The following PLCL1 variants were observed in gnomAD, a reference collection of about 807,000 sequenced individuals.
The protein encoded by PLCL1 is inactive phospholipase C-like protein 1.
In PLCL1, 41 loss-of-function variants were observed where a neutral mutation model predicts 84.4. The observed-to-expected ratio is 0.49, with a 90% confidence interval of 0.38 to 0.63. The LOEUF (loss-of-function observed/expected upper bound fraction) is 0.63, where lower values mean the gene tolerates loss of function less well. PLCL1 is among the 30% of genes least tolerant of loss of function. The probability of loss-of-function intolerance (pLI) is 0.00; values close to 1 mark genes in which losing one functional copy is unlikely to be tolerated. For missense variants in PLCL1, 1,206 were observed against 1,367.8 expected (o/e 0.88, Z 1.87); for synonymous variants, 490 against 488.3 (o/e 1.00, Z -0.05).
intron 1 of PLCL1, among the ~76,000 whole-genome samples, chr2:198,069,441 A>G (rs746740128): frequency 6.6e-6 from 1 of 152,108 alleles, no homozygotes; most frequent in African/African-American, 2.4e-5. Flanking sequence ...GTAAGCCATG[A>G]TCCCACCATT....
chr2:197,908,063 G>C (rs1688417140), intron 1 of PLCL1, among the ~76,000 whole-genome samples: 1 of 152,194 alleles, frequency 6.6e-6, no homozygotes. Context: ...TATTTAGCAT[G>C]AGAAAGAAGA....
At chr2:197,998,490 C>T (rs771242894) in intron 1 of PLCL1, among the ~76,000 whole-genome samples, 1 of 151,908 alleles carries the variant, frequency 6.6e-6, no homozygotes, top group Non-Finnish European at 1.5e-5. Context: ...CATTATTTGT[C>T]CCTTCATCTC....
chr2:198,127,996 A>G lies in PLCL1; in HGVS notation c.3106-18784A>G, dbSNP rs137993155. 2.3e-3 allele frequency among the ~76,000 whole-genome samples: 347 copies of G among 152,090 alleles called. 2 individuals carry two copies. The highest frequency in any genetic ancestry group is 8.3e-3 in the African/African-American group (344 of 41,546). ...CTTCACACAAATAAAGCGGCTCTAA[A>G]ATAAGGAGAAAAAAATTAGGATGCT... On this transcript the variant is annotated intron_variant, in intron 5 of 5. Transcript: ENST00000428675.
At chr2:197,819,206 G>A (rs114962415) in intron 1 of PLCL1, among the ~76,000 whole-genome samples, 295 of 152,214 alleles carry the variant, frequency 1.9e-3, no homozygotes, top group African/African-American at 6.9e-3. Context: ...CTTAAGACTA[G>A]AAAGGAAGTG....
At chr2:197,954,854 A>C (rs1689454802) in intron 1 of PLCL1, among the ~76,000 whole-genome samples, 1 of 151,996 alleles carries the variant, frequency 6.6e-6, no homozygotes, top group Non-Finnish European at 1.5e-5. Context: ...GATTTATTTT[A>C]ATTTGGAGGC....
intron 1 of PLCL1, among the ~76,000 whole-genome samples, chr2:197,881,226 C>A (rs757729832): frequency 6.6e-6 from 1 of 152,090 alleles, no homozygotes; most frequent in Non-Finnish European, 1.5e-5. Context: ...TAATATGTGA[C>A]GGTTTCAGCA....
At chr2:197,808,215 T>C (rs1690519808) in intron 1 of PLCL1, among the ~76,000 whole-genome samples, 1 of 152,222 alleles carries the variant, frequency 6.6e-6, no homozygotes, top group African/African-American at 2.4e-5. Context: ...TGCTGCATGT[T>C]TTTTGGTAAG....
intron 1 of PLCL1, among the ~76,000 whole-genome samples, chr2:198,025,230 T>C (rs1691236640): frequency 1.3e-5 from 2 of 152,286 alleles, no homozygotes; most frequent in African/African-American, 2.4e-5. Context: ...GTTTTTAGTG[T>C]ATGTTTTAGT....
Position 197,983,200 on chromosome 2 carries a change from C to CTTTTTTTTTTTTTTTTTTTT in PLCL1, c.241-100538_241-100519dup, listed in dbSNP as rs760577848. On this transcript the variant is annotated intron_variant, in intron 1 of 5. Transcript: ENST00000428675. ...TTTCTTTTTCTTTTTCTTTTCTTTT[C>CTTTTTTTTTTTTTTTTTTTT]TTTTTTTTTTTTTTTTTTTTTTTTT... Among the ~76,000 whole-genome samples, 15 of 60,282 alleles carry CTTTTTTTTTTTTTTTTTTTT rather than the reference C, an allele frequency of 2.5e-4. 2 individuals carry two copies. The highest frequency in any genetic ancestry group is 5.3e-4 in the East Asian group (1 of 1,876). 39.5% of individuals were successfully genotyped at this position (60,282 alleles called of 152,430 possible). A position where few individuals can be genotyped will look rare whatever the true frequency, so the allele number is the denominator to read the frequency against.
rs142477958 is a variant in PLCL1 at position 198,123,412 on chromosome 2, G to A, written c.3105+19476G>A. Among the ~76,000 whole-genome samples, 114 of 152,114 alleles carry A rather than the reference G, an allele frequency of 7.5e-4. 1 individual carries two copies. The highest frequency in any genetic ancestry group is 2.5e-3 in the African/African-American group (103 of 41,504). On this transcript the variant is annotated intron_variant, in intron 5 of 5. Transcript: ENST00000428675. ...TGTATTTGGAGATAGGGCCTTTAAAGAGGTAACTAAATTAAAATGAGGTAA... is the reference window on the plus strand; with the variant it reads ...TGTATTTGGAGATAGGGCCTTTAAAAAGGTAACTAAATTAAAATGAGGTAA...
At chr2:198,140,405 A>C (rs1046456763) in intron 5 of PLCL1, among the ~76,000 whole-genome samples, 1 of 152,168 alleles carries the variant, frequency 6.6e-6, no homozygotes, top group African/African-American at 2.4e-5. Context: ...ATTTTAAAAA[A>C]CATGGCTAAT....
At chr2:197,815,415 G>C (rs770561666) in intron 1 of PLCL1, among the ~76,000 whole-genome samples, 3 of 152,114 alleles carry the variant, frequency 2.0e-5, no homozygotes, top group Non-Finnish European at 4.4e-5. Context: ...TACTGCTTGT[G>C]GACAATGCAC....
At position 197,923,361 on chromosome 2, in the gene PLCL1, C is replaced by T. The variant is rs1458197626; in HGVS notation, c.240+118022C>T. 6.2e-5 allele frequency among the ~76,000 whole-genome samples: 9 copies of T among 144,762 alleles called. No homozygotes were observed. In the South Asian group the frequency reaches 6.9e-4, roughly 11 times the overall value. 95.0% of individuals were successfully genotyped at this position (144,762 alleles called of 152,430 possible). The stretch of plus-strand genomic sequence containing the variant: ...GTGGAGAGGCTCCTCACTTCTCAGA[C>T]GGGGCAGCTGCCGGTCGGAGGGTCT... On this transcript the variant is annotated intron_variant, in intron 1 of 5. Coordinates refer to ENST00000428675, the MANE Select transcript of PLCL1 (RefSeq NM_006226.4).
chr2:197,872,620 C>A (rs1687667603), intron 1 of PLCL1, among the ~76,000 whole-genome samples: 1 of 152,018 alleles, frequency 6.6e-6, no homozygotes, highest in Admixed American at 6.6e-5. Context: ...TGAATGGGGG[C>A]AATGATGACA....
At chr2:198,050,836 C>T (rs1303586701) in intron 1 of PLCL1, among the ~76,000 whole-genome samples, 1 of 152,178 alleles carries the variant, frequency 6.6e-6, no homozygotes, top group African/African-American at 2.4e-5. Flanking sequence ...TCCAAAAGAA[C>T]ATCTGGCAAC....
chr2:197,986,631 G>A (rs1244111700), intron 1 of PLCL1, among the ~76,000 whole-genome samples: 2 of 152,166 alleles, frequency 1.3e-5, no homozygotes, highest in Non-Finnish European at 2.9e-5. Flanking sequence ...TTATAGGTGT[G>A]AGCCACAGAG....
At chr2:198,027,083 C>T (rs936032959) in intron 1 of PLCL1, among the ~76,000 whole-genome samples, 7 of 151,996 alleles carry the variant, frequency 4.6e-5, no homozygotes, top group Admixed American at 4.6e-4. Context: ...TACGCATTGT[C>T]GACAATTGGC....
At chr2:197,995,893 G>C (rs1001887519) in intron 1 of PLCL1, among the ~76,000 whole-genome samples, 1 of 152,158 alleles carries the variant, frequency 6.6e-6, no homozygotes, top group Non-Finnish European at 1.5e-5. Context: ...GTGACAAATG[G>C]TCATCTTATG....
intron 1 of PLCL1, among the ~76,000 whole-genome samples, chr2:197,983,219 T>G (rs1234029326): frequency 3.1e-5 from 2 of 64,222 alleles, no homozygotes; most frequent in Non-Finnish European, 6.5e-5. Flanking sequence ...TTTTTTTTTT[T>G]TTTTTTTTTT....
Sources: allele counts gnomAD v4.1 joint callset (sites outside exome capture counted in the v4.1 genomes callset), GRCh38; gene constraint gnomAD v4.1.1; transcripts MANE v1.5; gene names NCBI Gene and HGNC (gene_info 2026-07-23, HGNC 2026-07-21).